Variants in CFAP20DC observed in about 807,000 individuals in gnomAD.
CFAP20DC encodes the protein CFAP20 domain containing, also known as protein CFAP20DC.
In CFAP20DC, 84 loss-of-function variants were observed where a neutral mutation model predicts 101.7. The observed-to-expected ratio is 0.83, with a 90% CI of 0.69 to 0.99. CFAP20DC has a LOEUF of 0.99. Among genes scored for constraint, CFAP20DC ranks in the 50% least tolerant of loss-of-function variants. The probability of loss-of-function intolerance (pLI) is 0.00; values close to 1 mark genes in which losing one functional copy is unlikely to be tolerated. For synonymous variants in CFAP20DC, 359 were observed against 351.2 expected (o/e 1.02, Z -0.25); for missense variants, 1,007 against 970.3 (o/e 1.04, Z -0.50).
chr3:58,756,923 GTTACCCTA>G (rs1312070869), intron 15 of CFAP20DC, among the ~76,000 whole-genome samples: 1 of 151,892 alleles, frequency 6.6e-6, no homozygotes, highest in Admixed American at 6.6e-5. Flanking sequence ...AGCATAATAC[GTTACCCTA>G]TGGAGGTACT....
At chr3:58,997,584 G>A (rs868427464) in intron 4 of CFAP20DC, among the ~76,000 whole-genome samples, 1 of 152,194 alleles carries the variant, frequency 6.6e-6, no homozygotes, top group South Asian at 2.1e-4. Flanking sequence ...ATGCAGAAGT[G>A]TCATGAAACA....
chr3:59,003,182 T>G (rs1327499804), intron 4 of CFAP20DC, among the ~76,000 whole-genome samples: 1 of 152,224 alleles, frequency 6.6e-6, no homozygotes, highest in Non-Finnish European at 1.5e-5. Context: ...GATATTTGTT[T>G]TATACATTGT....
At chr3:58,745,782 T>C (rs1042537386) in intron 16 of CFAP20DC, among the ~76,000 whole-genome samples, 1 of 152,186 alleles carries the variant, frequency 6.6e-6, no homozygotes, top group Non-Finnish European at 1.5e-5. Flanking sequence ...GCAGGAAGGA[T>C]GATGTTTAGA....
intron 5 of CFAP20DC, among the ~76,000 whole-genome samples, chr3:58,928,716 A>T (rs1305227882): frequency 6.6e-6 from 1 of 152,144 alleles, no homozygotes; most frequent in Admixed American, 6.5e-5. Flanking sequence ...CAAATGCCCT[A>T]TCTGTTTCTT....
downstream of CFAP20DC, chr3:58,737,082 T>A (rs1482287984): frequency 2.4e-6 from 1 of 413,684 alleles, no homozygotes; most frequent in East Asian, 7.1e-5. The surrounding 1 kb of genome is among the most constrained non-coding windows in gnomAD (Gnocchi z 4.1). Context: ...TTTGTATAAT[T>A]TAAAATATGA....
intron 15 of CFAP20DC, among the ~76,000 whole-genome samples, chr3:58,755,911 A>G (rs2068914455): frequency 6.6e-6 from 1 of 152,226 alleles, no homozygotes; most frequent in Non-Finnish European, 1.5e-5. Flanking sequence ...CAAACTAAGA[A>G]TGGTTTTTAC....
intron 4 of CFAP20DC, among the ~76,000 whole-genome samples, chr3:58,960,100 G>C (rs1053563671): frequency 6.6e-6 from 1 of 152,108 alleles, no homozygotes; most frequent in Non-Finnish European, 1.5e-5. Flanking sequence ...AATTTCTAAA[G>C]GGTTATGAGC....
intron 7 of CFAP20DC, among the ~76,000 whole-genome samples, chr3:58,877,590 T>C (rs1161035126): frequency 1.3e-5 from 2 of 152,240 alleles, no homozygotes; most frequent in East Asian, 1.9e-4. Flanking sequence ...GTCCATGCTC[T>C]GAGCGGGGGC....
chr3:58,810,319 A>G (rs1328896014), intron 14 of CFAP20DC, among the ~76,000 whole-genome samples: 1 of 152,142 alleles, frequency 6.6e-6, no homozygotes, highest in Non-Finnish European at 1.5e-5. Context: ...ATACTGGCAA[A>G]CCAAATCCAG....
chr3:58,753,892 G>A, intron 15 of CFAP20DC, 29 bp from the exon 16 acceptor site: 2 of 1,452,726 alleles, frequency 1.4e-6, no homozygotes, highest in South Asian at 2.4e-5. Context: ...GAATGAGCAT[G>A]TCTGGAATTC....
chr3:58,925,467 T>C (rs757523676), intron 5 of CFAP20DC, among the ~76,000 whole-genome samples: 11 of 152,164 alleles, frequency 7.2e-5, no homozygotes, highest in Non-Finnish European at 1.6e-4. Flanking sequence ...CACCTTTGGG[T>C]TCATATCATC....
At chr3:58,759,015 T>C (rs1354030644) in intron 15 of CFAP20DC, among the ~76,000 whole-genome samples, 1 of 152,250 alleles carries the variant, frequency 6.6e-6, no homozygotes, top group East Asian at 1.9e-4. Context: ...CATGTGTCTT[T>C]ATAGCAGCAT....
rs2073203887 is a variant in CFAP20DC, at chr3:58,795,894, G to A, written c.2237+10501C>T. 6.6e-6 allele frequency among the ~76,000 whole-genome samples: 1 copy of A among 152,168 alleles called. No homozygotes were observed. The highest frequency in any genetic ancestry group is 6.5e-5 in the Admixed American group (1 of 15,274). On this transcript the variant is annotated intron_variant, in intron 15 of 16. Coordinates refer to ENST00000482387, the MANE Select transcript of CFAP20DC (RefSeq NM_001394063.1). This position sits in a 1 kb window ranked among gnomAD's most constrained non-coding sequence, Gnocchi z 4.2. ...AGGAAACTCAGGTGGAAGTCCCAGT[G>A]GCCCAAAAGAGACCTGGTCAGAGAG... is the stretch of plus-strand genomic sequence containing the variant.
chr3:58,890,295 GT>G (rs2082062706), intron 6 of CFAP20DC, among the ~76,000 whole-genome samples: 1 of 142,782 alleles, frequency 7.0e-6, no homozygotes, highest in African/African-American at 2.6e-5. Context: ...CGGGGCGGCT[GT>G]CCGGGCGGGG....
intron 4 of CFAP20DC, among the ~76,000 whole-genome samples, chr3:58,954,899 CT>C (rs1176312348): frequency 6.6e-6 from 1 of 151,484 alleles, no homozygotes; most frequent in Non-Finnish European, 1.5e-5. Context: ...ATTTGATTCC[CT>C]TTTTAAAAAC....
intron 4 of CFAP20DC, among the ~76,000 whole-genome samples, chr3:59,016,042 TA>T (rs2093681924): frequency 6.6e-6 from 1 of 152,148 alleles, no homozygotes; most frequent in South Asian, 2.1e-4. Context: ...GAGTGGTTCT[TA>T]AACTTCAAGT....
chr3:58,723,973 C>T (rs964681280), intron 3 of CFAP20DC, among the ~76,000 whole-genome samples: 4 of 152,206 alleles, frequency 2.6e-5, no homozygotes, highest in African/African-American at 9.7e-5. Flanking sequence ...TTGTTCTAGC[C>T]TGTCTCACGT....
At chr3:58,810,044 A>T (rs910797054) in intron 14 of CFAP20DC, among the ~76,000 whole-genome samples, 2 of 152,208 alleles carry the variant, frequency 1.3e-5, no homozygotes, top group African/African-American at 4.8e-5. Flanking sequence ...CAGGCTCTGA[A>T]ATTGTGGCAA....
At chr3:58,738,648 A>G (rs903534116), downstream of CFAP20DC, among the ~76,000 whole-genome samples, 2 of 152,202 alleles carry the variant, frequency 1.3e-5, no homozygotes, top group Non-Finnish European at 2.9e-5. This position sits in a 1 kb window ranked among gnomAD's most constrained non-coding sequence, Gnocchi z 4.4. Context: ...TGCAATGAAC[A>G]TATGTGTGCA....
Sources: allele counts gnomAD v4.1 joint callset (sites outside exome capture counted in the v4.1 genomes callset), GRCh38; gene constraint gnomAD v4.1.1; non-coding constraint Gnocchi (gnomAD v3.1); transcripts MANE v1.5; gene names NCBI Gene and HGNC (gene_info 2026-07-23, HGNC 2026-07-21).